PAX7: variants seen among roughly 807,000 people sequenced by gnomAD.
The protein encoded by PAX7 is paired box 7.
PAX7 carries 18 observed loss-of-function variants against 50.7 expected under a neutral mutation model. The observed-to-expected ratio is 0.36, with a 90% CI of 0.25 to 0.53. The LOEUF (loss-of-function observed/expected upper bound fraction) is 0.53, where lower values mean the gene tolerates loss of function less well. PAX7 is among the 20% of genes least tolerant of loss of function. PAX7 has a pLI of 0.93. For synonymous variants in PAX7, 310 were observed against 290.4 expected (o/e 1.07, Z -0.69); for missense variants, 644 against 702.9 (o/e 0.92, Z 0.95).
chr1:18,682,733 G>C (rs2088917265), intron 4 of PAX7, among the ~76,000 whole-genome samples: 1 of 152,200 alleles, frequency 6.6e-6, no homozygotes, highest in Non-Finnish European at 1.5e-5. Context: ...CCCCAGATGT[G>C]CTGTGGCCTT....
chr1:18,635,529 AGAAG>A (rs1362473401), intron 3 of PAX7, among the ~76,000 whole-genome samples: 4 of 49,120 alleles, frequency 8.1e-5, no homozygotes, highest in East Asian at 2.7e-4. Context: ...AAGGAAGGAA[AGAAG>A]GAAGGAAGGA....
chr1:18,681,164 T>TAAAA (rs143668000), intron 4 of PAX7, among the ~76,000 whole-genome samples: 1 of 67,380 alleles, frequency 1.5e-5, no homozygotes, highest in Non-Finnish European at 2.8e-5. Flanking sequence ...CAAAACTCCG[T>TAAAA]AAAAAAAAAA....
chr1:18,721,145 G>A (rs573185906), intron 7 of PAX7, among the ~76,000 whole-genome samples: 2 of 152,232 alleles, frequency 1.3e-5, no homozygotes, highest in South Asian at 4.2e-4. Context: ...TCTGTGGCGA[G>A]GACCTTTTCC....
At chr1:18,640,605 A>G (rs891537426) in intron 4 of PAX7, among the ~76,000 whole-genome samples, 4 of 152,172 alleles carry the variant, frequency 2.6e-5, no homozygotes, top group African/African-American at 9.7e-5. Flanking sequence ...GTGTGTTTAG[A>G]GAAAGGTAAT....
intron 7 of PAX7, among the ~76,000 whole-genome samples, chr1:18,720,901 T>C (rs940876592): frequency 6.6e-6 from 1 of 151,670 alleles, no homozygotes; most frequent in Non-Finnish European, 1.5e-5. Context: ...GACCCAGAGC[T>C]GGAGGGACGA....
chr1:18,666,268 T>G, intron 4 of PAX7, among the ~76,000 whole-genome samples: 1 of 152,116 alleles, frequency 6.6e-6, no homozygotes, highest in African/African-American at 2.4e-5. Flanking sequence ...GGGAAAAAAA[T>G]AGCTCTGCAG....
At chr1:18,643,389 A>G (rs2088288302) in intron 4 of PAX7, among the ~76,000 whole-genome samples, 1 of 152,224 alleles carries the variant, frequency 6.6e-6, no homozygotes, top group Admixed American at 6.5e-5. Flanking sequence ...GCGGAGACAG[A>G]GAGCCACAGA....
Position 18,636,692 on chromosome 1 carries a change from C to T in PAX7, c.586+321C>T, listed in dbSNP as rs1019112795. On this transcript the variant is annotated intron_variant, in intron 4 of 8. Coordinates refer to ENST00000420770, the MANE Select transcript of PAX7 (RefSeq NM_001135254.2). This position sits in a 1 kb window ranked among gnomAD's most constrained non-coding sequence, Gnocchi z 5.1. ...CAATACTGCGGGGAGTGCGTCCTCCCGGGCTGGCGTTTTGGCTGCTACTCT... is the reference window on the plus strand; with the variant it reads ...CAATACTGCGGGGAGTGCGTCCTCCTGGGCTGGCGTTTTGGCTGCTACTCT... Among the ~76,000 whole-genome samples, 1 of 142,470 alleles carries T rather than the reference C, an allele frequency of 7.0e-6. No individual in the cohort carries two copies. The highest frequency in any genetic ancestry group is 1.5e-5 in the Non-Finnish European group (1 of 64,986). The allele number at this position is 142,470 out of a possible 152,430, so 93.5% of individuals were successfully genotyped here. A position where few individuals can be genotyped will look rare whatever the true frequency, so the allele number is the denominator to read the frequency against.
At chr1:18,691,667 A>T in intron 4 of PAX7, 87 bp from the exon 5 acceptor site, 1 of 1,194,014 alleles carries the variant, frequency 8.4e-7, no homozygotes, top group South Asian at 1.4e-5. Flanking sequence ...GGTGGGCACG[A>T]GTGTGCCTTG....
intron 4 of PAX7, among the ~76,000 whole-genome samples, chr1:18,685,437 T>C (rs1329820399): frequency 3.3e-5 from 5 of 152,236 alleles, no homozygotes; most frequent in African/African-American, 1.2e-4. Flanking sequence ...CCCAGACCAG[T>C]GAGACCCACA....
At chr1:18,674,663 G>A (rs530930424) in intron 4 of PAX7, among the ~76,000 whole-genome samples, 17 of 152,342 alleles carry the variant, frequency 1.1e-4, no homozygotes, top group African/African-American at 3.8e-4. Context: ...TTGGAGCCAC[G>A]AGGGGCTAGG....
At chr1:18,689,254 C>A (rs2089031825) in intron 4 of PAX7, among the ~76,000 whole-genome samples, 1 of 152,234 alleles carries the variant, frequency 6.6e-6, no homozygotes, top group African/African-American at 2.4e-5. Context: ...CGTCAGAACA[C>A]TGAGGTTATG....
chr1:18,670,285 A>G, intron 4 of PAX7, among the ~76,000 whole-genome samples: 1 of 152,154 alleles, frequency 6.6e-6, no homozygotes, highest in East Asian at 1.9e-4. Flanking sequence ...GATCCCAACT[A>G]TTGTAAAATC....
At chr1:18,692,051 G>A in intron 5 of PAX7, 98 bp downstream of exon 5, 1 of 1,170,080 alleles carries the variant, frequency 8.5e-7, no homozygotes, top group Non-Finnish European at 1.2e-6. Flanking sequence ...ACCCCTCGGG[G>A]GGTTTACAAC....
At chr1:18,658,002 C>T (rs1323117666) in intron 4 of PAX7, among the ~76,000 whole-genome samples, 1 of 152,124 alleles carries the variant, frequency 6.6e-6, no homozygotes, top group Non-Finnish European at 1.5e-5. Flanking sequence ...CGCATGAATA[C>T]CTCTCAATGG....
intron 7 of PAX7, among the ~76,000 whole-genome samples, chr1:18,729,330 CAG>C (rs2089616607): frequency 6.6e-6 from 1 of 152,172 alleles, no homozygotes. Flanking sequence ...ACACCCAAGA[CAG>C]GGGGCAGGAG....
intron 7 of PAX7, among the ~76,000 whole-genome samples, chr1:18,730,681 G>A (rs572237843): frequency 6.6e-6 from 1 of 152,332 alleles, no homozygotes; most frequent in East Asian, 1.9e-4. Flanking sequence ...CTCAGGAACG[G>A]AGGGAACTAA....
intron 5 of PAX7, among the ~76,000 whole-genome samples, chr1:18,694,620 GCAT>G: frequency 6.6e-6 from 1 of 152,300 alleles, no homozygotes; most frequent in African/African-American, 2.4e-5. Context: ...CAAGAGAGGA[GCAT>G]CTAAAGTCCA....
In PAX7 at chr1:18,747,819, TA is replaced by T; in HGVS notation, c.*2896del. On this transcript the variant is annotated 3_prime_UTR_variant, in exon 9 of 9. Transcript: ENST00000420770. Reference sequence around the variant, plus strand: ...ACTTTTTATAAATATATATATATACTAAAAAAGGAAAGAAATCCCCCACAGT... The same window carrying T: ...ACTTTTTATAAATATATATATATACTAAAAAGGAAAGAAATCCCCCACAGT... 5.3e-6 allele frequency: 1 copy of T among 189,632 alleles called. No individual in the cohort carries two copies. The highest frequency in any genetic ancestry group is 8.3e-5 in the East Asian group (1 of 12,046). The allele number at this position is 189,632 out of a possible 1,614,324, so 11.7% of individuals were successfully genotyped here.
Sources: allele counts gnomAD v4.1 joint callset (sites outside exome capture counted in the v4.1 genomes callset), GRCh38; gene constraint gnomAD v4.1.1; non-coding constraint Gnocchi (gnomAD v3.1); transcripts MANE v1.5; gene names NCBI Gene and HGNC (gene_info 2026-07-23, HGNC 2026-07-21).